DSN1: variants seen among roughly 807,000 people sequenced by gnomAD.
The protein encoded by DSN1 is kinetochore-associated protein DSN1 homolog.
A neutral mutation model predicts 45.7 loss-of-function variants in DSN1; 31 were observed. The observed-to-expected ratio is 0.68, with a 90% confidence interval of 0.51 to 0.92. DSN1 has a LOEUF of 0.92. DSN1 is among the 40% of genes least tolerant of loss of function. The pLI, the probability that DSN1 is intolerant of heterozygous loss-of-function variation, is 0.00. For missense variants in DSN1, 394 were observed against 414.2 expected (o/e 0.95, Z 0.42); for synonymous variants, 134 against 142.3 (o/e 0.94, Z 0.41).
intron 7 of DSN1, 75 bp from the exon 8 acceptor site, chr20:36,758,236 T>G: frequency 7.3e-7 from 1 of 1,362,026 alleles, no homozygotes; most frequent in Admixed American, 1.9e-5. Flanking sequence ...ACAATAAGTA[T>G]GTGAGGTGTA....
chr20:36,759,314 T>G (rs1231566360), intron 6 of DSN1, among the ~76,000 whole-genome samples: 1 of 151,792 alleles, frequency 6.6e-6, no homozygotes, highest in Non-Finnish European at 1.5e-5. Context: ...AGATGGAGTC[T>G]CGCCATGTTG....
intron 10 of DSN1, 68 bp from the exon 11 acceptor site, chr20:36,752,965 G>A (rs1986453374): frequency 1.5e-6 from 2 of 1,294,458 alleles, no homozygotes; most frequent in Non-Finnish European, 2.2e-6. Flanking sequence ...AAAACTTAAT[G>A]TAGGGACATT....
At chr20:36,761,453 G>A (rs1036973775) in intron 6 of DSN1, among the ~76,000 whole-genome samples, 1 of 152,186 alleles carries the variant, frequency 6.6e-6, no homozygotes, top group East Asian at 1.9e-4. Context: ...CGCTGAATCC[G>A]CTGGGTGTGG....
At position 36,773,741 on chromosome 20, in the gene DSN1, C is replaced by T. The variant is rs143487577; in HGVS notation, c.-95G>A. On this transcript the variant is annotated 5_prime_UTR_variant, in exon 1 of 11. Transcript: ENST00000373750. ...CTTGCGCACCCGCAGCCGATACTCC[C>T]TGATCAGGGTGAAGCGGTCTCCACC... The T allele has an allele frequency of 2.0e-6, 2 of 985,462 alleles. No homozygotes were observed. Among genetic ancestry groups the T allele is most frequent in the African/African-American group, 3.5e-5 (2 of 57,252 alleles). 61.0% of individuals were successfully genotyped at this position (985,462 alleles called of 1,614,324 possible). A position where few individuals can be genotyped will look rare whatever the true frequency, so the allele number is the denominator to read the frequency against.
At chr20:36,770,252 T>C (rs1032776450) in intron 3 of DSN1, among the ~76,000 whole-genome samples, 1 of 152,046 alleles carries the variant, frequency 6.6e-6, no homozygotes, top group Non-Finnish European at 1.5e-5. Context: ...AAACTTTTTG[T>C]AGAGATGGGG....
In DSN1 at chr20:36,766,819, G is replaced by A. The variant is rs1257818286; in HGVS notation, c.452C>T (p.Pro151Leu). The change falls in exon 5 of 11, where the codon CCT (proline) becomes CTT (leucine). Residue 151 changes from proline (P) to leucine (L), a missense_variant. Physicochemically the swap from Pro to Leu is moderately conservative, Grantham distance 98 (BLOSUM62 -3). Transcript: ENST00000373750. ...GAAGCCCTTAGTGTCCCTTAGGAAAGGTTCAAGTTTCTGAATAGAGAACTA... is the reference window on the plus strand; with the variant it reads ...GAAGCCCTTAGTGTCCCTTAGGAAAAGTTCAAGTTTCTGAATAGAGAACTA... ...SFQFSIQKLE[P>L]FLRDTKGFSL... is the part of the protein sequence containing the mutation. 1.2e-6 allele frequency: 2 copies of A among 1,605,896 alleles called. No homozygotes were observed. Among genetic ancestry groups the A allele is most frequent in the South Asian group, 1.1e-5 (1 of 89,034 alleles).
At chr20:36,759,183 A>G (rs1189392917) in intron 6 of DSN1, among the ~76,000 whole-genome samples, 2 of 151,484 alleles carry the variant, frequency 1.3e-5, no homozygotes, top group African/African-American at 2.4e-5. Flanking sequence ...GGGTTTCACT[A>G]TGTTGGCCAG....
chr20:36,758,229 A>AT (rs1986780897), intron 7 of DSN1, 68 bp from the exon 8 acceptor site: 9 of 1,404,074 alleles, frequency 6.4e-6, no homozygotes, highest in African/African-American at 1.4e-5. Flanking sequence ...CACAGTAACA[A>AT]TAAGTATGTG....
At chr20:36,754,440 T>C (rs1462613501) in intron 10 of DSN1, among the ~76,000 whole-genome samples, 1 of 152,142 alleles carries the variant, frequency 6.6e-6, no homozygotes, top group Non-Finnish European at 1.5e-5. Flanking sequence ...GGAGGAGTAA[T>C]GTCAGTGTCA....
rs753994005 is a variant in DSN1 at position 36,771,185 on chromosome 20, G to A, written c.43C>T (p.Pro15Ser). The A allele has an allele frequency of 2.5e-6, 4 of 1,593,996 alleles. No homozygotes were observed. Among genetic ancestry groups the A allele is most frequent in the Admixed American group, 3.5e-5 (2 of 56,808 alleles). The part of the protein sequence containing the change: ...TRSEIIDEKG[P>S]VMSKTHDHQL... ...TGATCATGAGTCTTAGACATCACTG[G>A]TCCTTTTTCTAGTATTTGTTATAAA... The change falls in exon 3 of 11, where the codon CCA becomes TCA. Residue 15 changes from proline to serine, a missense_variant. Coordinates refer to ENST00000373750, the MANE Select transcript of DSN1 (RefSeq NM_001145315.2).
At chr20:36,758,264 G>A (rs897974690) in intron 7 of DSN1, 103 bp from the exon 8 acceptor site, 13 of 1,138,192 alleles carry the variant, frequency 1.1e-5, no homozygotes, top group African/African-American at 1.1e-4. Flanking sequence ...GATGTAAAAT[G>A]TGAGTTGACA....
chr20:36,771,545 A>ATT, intron 1 of DSN1, 72 bp from the exon 2 acceptor site: 7 of 1,429,684 alleles, frequency 4.9e-6, no homozygotes, highest in Middle Eastern at 1.8e-4. Context: ...TTACAGCCCC[A>ATT]GAATAAATAG....
Position 36,758,169 on chromosome 20 carries a change from A to C in DSN1, c.651-8T>G, listed in dbSNP as rs1199911120. 6.2e-7 allele frequency: 1 copy of C among 1,612,930 alleles called. No individual in the cohort carries two copies. The highest frequency in any genetic ancestry group is 1.7e-5 in the Admixed American group (1 of 59,924). ...TGACGTTCTAAAGAAAACCTGTAAG[A>C]ATCAGGAAAAAAAGTTCAGTTAATT... On this transcript the variant is annotated splice_region_variant and splice_polypyrimidine_tract_variant and intron_variant, in intron 7 of 10. Transcript: ENST00000373750.
chr20:36,753,665 A>G (rs1986504531), intron 10 of DSN1, among the ~76,000 whole-genome samples: 1 of 150,794 alleles, frequency 6.6e-6, no homozygotes, highest in Non-Finnish European at 1.5e-5. Context: ...AAAAAGAAAG[A>G]AAGAAAGAAA....
At chr20:36,772,376 C>T (rs551066032) in intron 1 of DSN1, among the ~76,000 whole-genome samples, 3 of 151,924 alleles carry the variant, frequency 2.0e-5, no homozygotes, top group African/African-American at 7.2e-5. Context: ...GCAACTTTCA[C>T]CTCCCAGGTT....
intron 5 of DSN1, among the ~76,000 whole-genome samples, chr20:36,764,545 T>C (rs915532462): frequency 2.6e-4 from 40 of 152,202 alleles, no homozygotes; most frequent in African/African-American, 9.2e-4. Context: ...GTATTTTATT[T>C]CACAGACAAC....
At chr20:36,772,097 T>A (rs779665248) in intron 1 of DSN1, among the ~76,000 whole-genome samples, 32 of 151,856 alleles carry the variant, frequency 2.1e-4, no homozygotes, top group Non-Finnish European at 4.6e-4. Flanking sequence ...GCCAGGCTGG[T>A]CTCAAACTCC....
rs1040633413 is a variant in DSN1 at position 36,758,607 on chromosome 20, C to G, written c.601G>C (p.Asp201His). ...CFEDSNGKASDFSLEASVAEM... is the reference protein window; with the variant it reads ...CFEDSNGKASHFSLEASVAEM... Reference sequence around the variant, plus strand: ...GCCACAGATGCTTCCAAAGAAAAATCTGATGCTTTTCTGGAAAACAGATAG... The same window carrying G: ...GCCACAGATGCTTCCAAAGAAAAATGTGATGCTTTTCTGGAAAACAGATAG... The change falls in exon 7 of 11, where the codon GAT (aspartate) becomes CAT (histidine). Residue 201 changes from aspartate to histidine, a missense_variant. By Grantham distance (81) the Asp-to-His change is moderately conservative. Transcript: ENST00000373750. The G allele has an allele frequency of 4.3e-6, 7 of 1,611,206 alleles. No individual in the cohort carries two copies. The African/African-American group carries it at 9.4e-5, about 22-fold the overall frequency.
In DSN1 at chr20:36,752,149, G is replaced by A. The variant is rs1986414208; in HGVS notation, c.*639C>T. The A allele has an allele frequency of 6.6e-6, 1 of 151,912 alleles. No homozygotes were observed. Among genetic ancestry groups the A allele is most frequent in the Admixed American group, 6.6e-5 (1 of 15,234 alleles). The allele number at this position is 151,912 out of a possible 1,614,324, so 9.4% of individuals were successfully genotyped here. ...AACTCACTGCAGCCTCAACCTCCTG[G>A]GCTCAAACAATCCTCCCACCTCAGC... On this transcript the variant is annotated 3_prime_UTR_variant, in exon 11 of 11. Coordinates refer to ENST00000373750, the MANE Select transcript of DSN1 (RefSeq NM_001145315.2).
Sources: gnomAD v4.1 joint callset for allele counts (sites outside exome capture counted in the v4.1 genomes callset) on GRCh38, gnomAD v4.1.1 for gene constraint, MANE v1.5 for transcripts, NCBI Gene and HGNC (gene_info 2026-07-23, HGNC 2026-07-21) for gene names.